The following HIVEP3 variants were observed in gnomAD, a reference collection of about 807,000 sequenced individuals.
HIVEP3 encodes HIVEP zinc finger 3.
HIVEP3 carries 49 observed loss-of-function variants against 152.8 expected under a neutral mutation model. The observed-to-expected ratio is 0.32, with a 90% confidence interval of 0.26 to 0.41. The LOEUF (loss-of-function observed/expected upper bound fraction) is 0.41. HIVEP3 is among the 10% of genes least tolerant of loss of function. The pLI is 1.00. For synonymous variants in HIVEP3, 1,269 were observed against 1,289.0 expected (o/e 0.98, Z 0.33); for missense variants, 2,790 against 3,103.3 (o/e 0.90, Z 2.40).
At chr1:41,745,330 G>A (rs569226179) in intron 1 of HIVEP3, among the ~76,000 whole-genome samples, 1 of 152,330 alleles carries the variant, frequency 6.6e-6, no homozygotes, top group South Asian at 2.1e-4. Context: ...GGGAACTCCA[G>A]GGACATCCCC....
chr1:41,524,019 G>A (rs1642832939), intron 6 of HIVEP3, among the ~76,000 whole-genome samples: 1 of 152,218 alleles, frequency 6.6e-6, no homozygotes, highest in African/African-American at 2.4e-5. Flanking sequence ...CCTGGCCTGG[G>A]TGGCTGTGGC....
chr1:41,555,946 T>C (rs1392557202), intron 5 of HIVEP3, among the ~76,000 whole-genome samples: 3 of 152,226 alleles, frequency 2.0e-5, no homozygotes, highest in Non-Finnish European at 4.4e-5. Context: ...TTCATCCACG[T>C]GTGGCAGGTA....
At chr1:41,606,206 TG>T (rs1644820678) in intron 3 of HIVEP3, among the ~76,000 whole-genome samples, 1 of 151,962 alleles carries the variant, frequency 6.6e-6, no homozygotes, top group South Asian at 2.1e-4. Flanking sequence ...TACCAATTTT[TG>T]GTGGTTCTGG....
intron 1 of HIVEP3, among the ~76,000 whole-genome samples, chr1:41,977,505 G>A (rs548227379): frequency 1.1e-4 from 17 of 152,314 alleles, no homozygotes; most frequent in African/African-American, 3.9e-4. Flanking sequence ...AGGCAGAGGT[G>A]AGTGTCACAT....
At chr1:41,717,776 A>G (rs1447812018) in intron 1 of HIVEP3, among the ~76,000 whole-genome samples, 4 of 152,272 alleles carry the variant, frequency 2.6e-5, no homozygotes, top group East Asian at 1.9e-4. Context: ...GTCGCCCACC[A>G]TATGTGGACT....
intron 1 of HIVEP3, among the ~76,000 whole-genome samples, chr1:41,885,443 A>G (rs897807718): frequency 6.6e-6 from 1 of 152,204 alleles, no homozygotes; most frequent in African/African-American, 2.4e-5. Context: ...AGGCAGGCAG[A>G]TCACTTGAGG....
At chr1:41,822,451 T>A (rs1227065271) in intron 1 of HIVEP3, among the ~76,000 whole-genome samples, 2 of 152,194 alleles carry the variant, frequency 1.3e-5, no homozygotes, top group African/African-American at 4.8e-5. Flanking sequence ...TTGACTGCCA[T>A]CCAGAAGGAC....
chr1:41,645,472 T>A (rs1426370626), intron 2 of HIVEP3, among the ~76,000 whole-genome samples: 1 of 152,218 alleles, frequency 6.6e-6, no homozygotes, highest in East Asian at 1.9e-4. Context: ...TACTGGGAAC[T>A]CCTTAACAGA....
At chr1:41,540,242 G>A (rs1220141922) in intron 5 of HIVEP3, among the ~76,000 whole-genome samples, 1 of 152,242 alleles carries the variant, frequency 6.6e-6, no homozygotes, top group Non-Finnish European at 1.5e-5. Context: ...AGACCTCGGT[G>A]TTCCTGGCTG....
intron 1 of HIVEP3, among the ~76,000 whole-genome samples, chr1:41,899,347 C>T (rs1644583035): frequency 6.6e-6 from 1 of 152,170 alleles, no homozygotes; most frequent in Non-Finnish European, 1.5e-5. Context: ...CGTTTATACT[C>T]TCCTGATGAT....
At chr1:41,934,385 C>T (rs769557998) in intron 1 of HIVEP3, among the ~76,000 whole-genome samples, 1 of 152,118 alleles carries the variant, frequency 6.6e-6, no homozygotes, top group African/African-American at 2.4e-5. Flanking sequence ...CTGAAGATAC[C>T]TATCTCTTCC....
chr1:41,952,192 T>C (rs756937589), intron 1 of HIVEP3, among the ~76,000 whole-genome samples: 2 of 152,214 alleles, frequency 1.3e-5, no homozygotes, highest in Non-Finnish European at 2.9e-5. Flanking sequence ...ATTTTATCAA[T>C]TTAACCCCTA....
chr1:41,512,175 G>A (rs190765886), intron 8 of HIVEP3, among the ~76,000 whole-genome samples: 47 of 152,034 alleles, frequency 3.1e-4, no homozygotes, highest in African/African-American at 1.0e-3. Flanking sequence ...ATTTGTCCCC[G>A]CCCAAATCTC....
chr1:41,569,313 G>C (rs1052203169), intron 5 of HIVEP3, among the ~76,000 whole-genome samples: 1 of 152,166 alleles, frequency 6.6e-6, no homozygotes, highest in African/African-American at 2.4e-5. Flanking sequence ...GTCTACCTAT[G>C]TTATACATTT....
At chr1:42,019,884 C>T (rs1645544049) in intron 1 of HIVEP3, among the ~76,000 whole-genome samples, 3 of 151,918 alleles carry the variant, frequency 2.0e-5, no homozygotes, top group Non-Finnish European at 4.4e-5. Flanking sequence ...AACAAATTTC[C>T]TTTGCTTAGG....
intron 1 of HIVEP3, among the ~76,000 whole-genome samples, chr1:41,844,451 C>A (rs1421095003): frequency 6.6e-6 from 1 of 152,176 alleles, no homozygotes; most frequent in Non-Finnish European, 1.5e-5. Flanking sequence ...GGCAAAGGCG[C>A]CCTTCTCCTC....
intron 1 of HIVEP3, among the ~76,000 whole-genome samples, chr1:41,971,978 A>G (rs917031424): frequency 6.6e-6 from 1 of 152,182 alleles, no homozygotes; most frequent in Non-Finnish European, 1.5e-5. Context: ...GGCAGAGAGC[A>G]GCCCTCACCA....
At chr1:41,960,547 A>G (rs1241997466) in intron 1 of HIVEP3, among the ~76,000 whole-genome samples, 1 of 152,128 alleles carries the variant, frequency 6.6e-6, no homozygotes, top group Non-Finnish European at 1.5e-5. Context: ...CACACTCTAG[A>G]GCTCCTCGAA....
chr1:41,998,804 T>A (rs1234578698), intron 1 of HIVEP3, among the ~76,000 whole-genome samples: 1 of 151,772 alleles, frequency 6.6e-6, no homozygotes, highest in African/African-American at 2.4e-5. Flanking sequence ...TATCACTTCC[T>A]TCATGTGATT....
Sources: allele counts gnomAD v4.1 joint callset (sites outside exome capture counted in the v4.1 genomes callset), GRCh38; gene constraint gnomAD v4.1.1; transcripts MANE v1.5; gene names NCBI Gene and HGNC (gene_info 2026-07-23, HGNC 2026-07-21).